The following CEP126 variants were observed in gnomAD, a reference collection of about 807,000 sequenced individuals.
The protein encoded by CEP126 is centrosomal protein of 126 kDa.
A neutral mutation model predicts 107.8 loss-of-function variants in CEP126; 74 were observed. The observed-to-expected ratio is 0.69, with a 90% confidence interval of 0.57 to 0.83. The LOEUF (loss-of-function observed/expected upper bound fraction) is 0.83, where lower values mean the gene tolerates loss of function less well. Ranked by LOEUF, CEP126 falls within the 40% of genes least tolerant of loss-of-function variation. CEP126 has a pLI of 0.00. For missense variants in CEP126, 1,237 were observed against 1,281.9 expected, an observed-to-expected ratio of 0.96 and a Z score of 0.53; for synonymous variants, 449 against 446.0, an observed-to-expected ratio of 1.01 and a Z score of -0.08.
rs116543116 is a variant in CEP126 at position 101,933,165 on chromosome 11, G to T, written c.248+10405G>T. On this transcript the variant is annotated intron_variant, in intron 2 of 10. Coordinates refer to ENST00000263468, the MANE Select transcript of CEP126 (RefSeq NM_020802.4). ...CCATTCCACAATGCTACTGCATGCT[G>T]CTGTGTTCCAAGCCCTATGCTATGT... is the stretch of plus-strand genomic sequence containing the variant. Among the ~76,000 whole-genome samples the T allele has an allele frequency of 2.0e-3, 299 of 152,276 alleles. 1 individual carries two copies. The highest frequency in any genetic ancestry group is 7.0e-3 in the African/African-American group (289 of 41,574).
In CEP126 at chr11:101,961,849, C is replaced by T; in HGVS notation, c.814C>T (p.His272Tyr). The change falls in exon 6 of 11, where the codon CAT becomes TAT. Residue 272 changes from histidine (H) to tyrosine (Y), a missense_variant. By Grantham distance (83) the His-to-Tyr change is moderately conservative. This residue lies in a region of CEP126 where 1,134 missense variants were observed against 1,150.5 expected (regional missense o/e 0.99). Transcript: ENST00000263468. ...EEIYLTLNKE[H>Y]STSIQRNTIS... ...AATATATTTAACACTTAATAAGGAG[C>T]ATTCCACATCCATCCAGCGGAATAC... 6.2e-7 allele frequency: 1 copy of T among 1,607,454 alleles called. No homozygotes were observed. The highest frequency in any genetic ancestry group is 8.5e-7 in the Non-Finnish European group (1 of 1,174,296).
rs1057478440 is a variant in CEP126, at chr11:101,963,332, A to C, written c.2297A>C (p.Gln766Pro). The change falls in exon 6 of 11, where the codon CAA (glutamine) becomes CCA (proline). Residue 766 changes from glutamine to proline, a missense_variant. This residue lies in a region of CEP126 where 1,134 missense variants were observed against 1,150.5 expected (regional missense o/e 0.99). Coordinates refer to ENST00000263468, the MANE Select transcript of CEP126 (RefSeq NM_020802.4). ...AGAAAACCAGGATCTGCAAAAGTCC[A>C]ATCAGGCTTTATATGTACAAACAGA... ...IIRKPGSAKV[Q>P]SGFICTNRKG... 2 of 1,613,990 alleles carry C rather than the reference A, an allele frequency of 1.2e-6. No individual in the cohort carries two copies. Among genetic ancestry groups the C allele is most frequent in the South Asian group, 1.1e-5 (1 of 91,046 alleles).
At chr11:101,935,564 C>G (rs186901019) in intron 2 of CEP126, among the ~76,000 whole-genome samples, 2 of 152,178 alleles carry the variant, frequency 1.3e-5, no homozygotes, top group East Asian at 3.9e-4. Context: ...GTTGCTCCAG[C>G]ACCATTTGTT....
At position 101,962,923 on chromosome 11, in the gene CEP126, CTG is replaced by C. The variant is rs1381886600; in HGVS notation, c.1889_1890del (p.Leu630GlnfsTer4). The C allele has an allele frequency of 6.2e-6, 10 of 1,609,782 alleles. No homozygotes were observed. The highest frequency in any genetic ancestry group is 7.6e-6 in the Non-Finnish European group (9 of 1,178,904). On this transcript the variant is annotated frameshift_variant, in exon 6 of 11. Coordinates refer to ENST00000263468, the MANE Select transcript of CEP126 (RefSeq NM_020802.4). LOFTEE classifies it high-confidence loss of function. ...GAEIPKTIKK[L>X]RWFDETSNIE... ...AGAAATTCCAAAGACCATTAAAAAA[CTG>C]AGGTGGTTTGATGAAACTAGCAATA...
At chr11:101,992,917 G>A (rs1436755236) in intron 10 of CEP126, 75 bp downstream of exon 10, 1 of 1,293,576 alleles carries the variant, frequency 7.7e-7, no homozygotes, top group African/African-American at 1.5e-5. Flanking sequence ...ATACAGGTAA[G>A]AACCCCGTAT....
chr11:101,931,199 G>C (rs1940494267), intron 2 of CEP126, among the ~76,000 whole-genome samples: 1 of 152,118 alleles, frequency 6.6e-6, no homozygotes. Flanking sequence ...TTAGAGAAAT[G>C]AGATACTTTT....
intron 3 of CEP126, among the ~76,000 whole-genome samples, chr11:101,947,643 ATAAC>A (rs2137098915): frequency 6.6e-6 from 1 of 152,254 alleles, no homozygotes; most frequent in East Asian, 1.9e-4. Context: ...AATAAGGTCT[ATAAC>A]TAAGTGCTCA....
intron 6 of CEP126, among the ~76,000 whole-genome samples, chr11:101,964,475 A>G (rs1374665820): frequency 1.3e-5 from 2 of 151,902 alleles, no homozygotes; most frequent in Non-Finnish European, 2.9e-5. Flanking sequence ...CTCTACAAAA[A>G]TACAAAAATT....
chr11:101,976,979 T>G (rs1156389044), intron 6 of CEP126, among the ~76,000 whole-genome samples: 1 of 152,172 alleles, frequency 6.6e-6, no homozygotes, highest in African/African-American at 2.4e-5. Context: ...TAATAAAAAT[T>G]TTGAACACAT....
At chr11:101,922,565 T>A in intron 1 of CEP126, 76 bp from the exon 2 acceptor site, 1 of 1,116,176 alleles carries the variant, frequency 9.0e-7, no homozygotes, top group Non-Finnish European at 1.3e-6. Flanking sequence ...GAGGCTGTAG[T>A]TATATTTATC....
chr11:101,958,441 A>G (rs1319033723), intron 5 of CEP126, 75 bp downstream of exon 5: 9 of 1,212,114 alleles, frequency 7.4e-6, no homozygotes, highest in Non-Finnish European at 1.1e-5. Flanking sequence ...AGTGTTCTCC[A>G]CTAAAGAAAT....
intron 6 of CEP126, among the ~76,000 whole-genome samples, chr11:101,968,068 G>A (rs1291011807): frequency 6.6e-6 from 1 of 152,174 alleles, no homozygotes; most frequent in Non-Finnish European, 1.5e-5. Context: ...AGGATGCAGT[G>A]TCAATGAGTA....
At position 101,960,142 on chromosome 11, in the gene CEP126, A is replaced by T. The variant is rs139288146; in HGVS notation, c.706-1599A>T. Among the ~76,000 whole-genome samples, 1,068 of 149,144 alleles carry T rather than the reference A, an allele frequency of 7.2e-3. 16 individuals are homozygous for T. The highest frequency in any genetic ancestry group is 0.025 in the African/African-American group (1,013 of 40,114). ...GCCAGAGGGAAAAAAGATATGTTACATGCAGGGCAATAAAGATAAGACGGA... is the reference window on the plus strand; with the variant it reads ...GCCAGAGGGAAAAAAGATATGTTACTTGCAGGGCAATAAAGATAAGACGGA... On this transcript the variant is annotated intron_variant, in intron 5 of 10. Transcript: ENST00000263468.
At chr11:101,929,276 A>G (rs905846974) in intron 2 of CEP126, among the ~76,000 whole-genome samples, 1 of 152,168 alleles carries the variant, frequency 6.6e-6, no homozygotes, top group African/African-American at 2.4e-5. Context: ...CAGAATGACA[A>G]GTGATTTTCT....
chr11:101,930,147 CTCT>C (rs1246290314), intron 2 of CEP126, among the ~76,000 whole-genome samples: 1 of 151,308 alleles, frequency 6.6e-6, no homozygotes, highest in Non-Finnish European at 1.5e-5. Flanking sequence ...ACTTCTCAGA[CTCT>C]TCTTATGGGT....
intron 2 of CEP126, among the ~76,000 whole-genome samples, chr11:101,928,698 C>G (rs1940447332): frequency 6.6e-6 from 1 of 152,106 alleles, no homozygotes; most frequent in South Asian, 2.1e-4. Context: ...ATCAGTTGAG[C>G]ATATTTGTAT....
intron 6 of CEP126, among the ~76,000 whole-genome samples, chr11:101,968,638 G>A (rs1247606533): frequency 1.3e-5 from 2 of 152,158 alleles, no homozygotes; most frequent in Non-Finnish European, 2.9e-5. Context: ...CCCATATCTA[G>A]AGGAGCAAAT....
rs776988841 is a variant in CEP126, at chr11:101,922,677, A to G, written c.165A>G (p.Glu55=). 1.2e-6 allele frequency: 2 copies of G among 1,608,276 alleles called. No individual in the cohort carries two copies. The highest frequency in any genetic ancestry group is 1.7e-6 in the Non-Finnish European group (2 of 1,174,886). Residue 55 remains glutamate, a synonymous_variant, in exon 2 of 11, where the codon GAA becomes GAG. Transcript: ENST00000263468. ...MKIHLEKNLE[E]ERQILLQQQK... is the part of the protein sequence containing the mutation. Reference sequence around the variant, plus strand: ...TCCATCTGGAGAAAAATTTAGAAGAAGAGCGCCAGATATTACTGCAGCAAC... The same window carrying G: ...TCCATCTGGAGAAAAATTTAGAAGAGGAGCGCCAGATATTACTGCAGCAAC...
chr11:101,928,317 T>C (rs150559516), intron 2 of CEP126, among the ~76,000 whole-genome samples: 86 of 152,340 alleles, frequency 5.6e-4, no homozygotes, highest in African/African-American at 2.0e-3. Context: ...GGAGATTATT[T>C]TTCCATCTTC....
Sources: allele counts gnomAD v4.1 joint callset (sites outside exome capture counted in the v4.1 genomes callset), GRCh38; gene constraint gnomAD v4.1.1; regional missense constraint gnomAD v4.1.1; transcripts MANE v1.5; gene names NCBI Gene and HGNC (gene_info 2026-07-23, HGNC 2026-07-21).